Variants in SLC24A2 observed in about 807,000 individuals in gnomAD.
SLC24A2 encodes solute carrier family 24 member 2.
SLC24A2 carries 36 observed loss-of-function variants against 62.0 expected under a neutral mutation model. The ratio of observed to expected loss-of-function variants is 0.58; its 90% CI spans 0.44 to 0.77. The LOEUF is 0.77. Among genes scored for constraint, SLC24A2 ranks in the 30% least tolerant of loss-of-function variants. SLC24A2 has a pLI of 0.00. For missense variants in SLC24A2, 846 were observed against 817.9 expected, an observed-to-expected ratio of 1.03 and a Z score of -0.42; for synonymous variants, 358 against 294.0, an observed-to-expected ratio of 1.22 and a Z score of -2.23.
At chr9:19,843,381 G>A in the SLC24A2 span, among the ~76,000 whole-genome samples, 2,313 of 152,200 alleles carry the variant, frequency 0.015, 66 homozygotes, top group African/African-American at 0.053. Flanking sequence ...GCGTGGTGGC[G>A]CATGCCTGTA....
At chr9:19,932,994 C>A in the SLC24A2 span, among the ~76,000 whole-genome samples, 1 of 152,232 alleles carries the variant, frequency 6.6e-6, no homozygotes, top group Non-Finnish European at 1.5e-5. Flanking sequence ...GAATTTTTCT[C>A]TGGAAAGTGG....
the SLC24A2 span, among the ~76,000 whole-genome samples, chr9:20,141,747 A>G: frequency 2.0e-5 from 3 of 151,190 alleles, no homozygotes; most frequent in Non-Finnish European, 2.9e-5. Context: ...CATCACCCCA[A>G]CCTCTCTTTC....
the SLC24A2 span, among the ~76,000 whole-genome samples, chr9:20,056,543 A>G: frequency 6.6e-6 from 1 of 152,234 alleles, no homozygotes; most frequent in African/African-American, 2.4e-5. Flanking sequence ...TAATGAATTA[A>G]TTACGTAATA....
At chr9:19,562,810 A>G (rs890828668) in intron 7 of SLC24A2, among the ~76,000 whole-genome samples, 1 of 152,210 alleles carries the variant, frequency 6.6e-6, no homozygotes, top group African/African-American at 2.4e-5. Flanking sequence ...AGGCCTTGAA[A>G]AATCCAATCT....
the SLC24A2 span, among the ~76,000 whole-genome samples, chr9:19,796,593 G>T: frequency 2.0e-5 from 3 of 152,210 alleles, no homozygotes; most frequent in African/African-American, 7.2e-5. Flanking sequence ...TGTTTTTGAT[G>T]TCTTTATCCC....
the SLC24A2 span, among the ~76,000 whole-genome samples, chr9:20,019,291 G>GAA: frequency 1.1e-4 from 17 of 149,728 alleles, no homozygotes; most frequent in Non-Finnish European, 1.6e-4. Flanking sequence ...AAGAAAGAAA[G>GAA]AAAGAAAGAA....
At chr9:20,303,982 A>G in the SLC24A2 span, among the ~76,000 whole-genome samples, 1 of 152,214 alleles carries the variant, frequency 6.6e-6, no homozygotes, top group African/African-American at 2.4e-5. Flanking sequence ...GACAGTGACC[A>G]CATAAGGTGT....
chr9:20,080,776 T>C, the SLC24A2 span, among the ~76,000 whole-genome samples: 1 of 151,634 alleles, frequency 6.6e-6, no homozygotes, highest in African/African-American at 2.4e-5. Context: ...CAAACAAATT[T>C]ACAAGAAAAA....
rs892466578 is a variant in SLC24A2, at chr9:19,681,197, G to T, written c.931-58898C>A. ...CACCTGCCTTGCTTATGTCTCTCCAGCTGGAGAGAAAGGTATCCATTATTC... is the reference window on the plus strand; with the variant it reads ...CACCTGCCTTGCTTATGTCTCTCCATCTGGAGAGAAAGGTATCCATTATTC... On this transcript the variant is annotated intron_variant, in intron 2 of 10. Coordinates refer to ENST00000341998, the MANE Select transcript of SLC24A2 (RefSeq NM_020344.4). Among the ~76,000 whole-genome samples, 8 of 151,980 alleles carry T rather than the reference G, an allele frequency of 5.3e-5. 1 individual carries two copies. The highest frequency in any genetic ancestry group is 2.6e-4 in the Admixed American group (4 of 15,252).
At chr9:20,274,517 A>G in the SLC24A2 span, among the ~76,000 whole-genome samples, 54,663 of 151,832 alleles carry the variant, frequency 0.36, 10,200 homozygotes, top group African/African-American at 0.46. Flanking sequence ...AAAGAGGAGG[A>G]ACTATTGTCA....
the SLC24A2 span, among the ~76,000 whole-genome samples, chr9:20,209,480 TC>T: frequency 6.6e-6 from 1 of 152,166 alleles, no homozygotes; most frequent in Non-Finnish European, 1.5e-5. Context: ...CAAGCTCTCT[TC>T]CCCGAATTTG....
intron 2 of SLC24A2, among the ~76,000 whole-genome samples, chr9:19,700,729 T>C (rs529839654): frequency 2.7e-4 from 41 of 152,214 alleles, no homozygotes; most frequent in Admixed American, 1.0e-3. Flanking sequence ...TAAATATACC[T>C]GTGACATTCT....
At chr9:20,133,590 A>G in the SLC24A2 span, among the ~76,000 whole-genome samples, 1 of 152,178 alleles carries the variant, frequency 6.6e-6, no homozygotes, top group Non-Finnish European at 1.5e-5. Flanking sequence ...TGTCTAAAAT[A>G]ACAAACAAGA....
At chr9:19,769,234 T>C (rs576538691) in intron 2 of SLC24A2, among the ~76,000 whole-genome samples, 1 of 152,204 alleles carries the variant, frequency 6.6e-6, no homozygotes, top group Non-Finnish European at 1.5e-5. Flanking sequence ...TCTCTTTTTA[T>C]CCTTCCCTCA....
intron 2 of SLC24A2, among the ~76,000 whole-genome samples, chr9:19,776,807 G>C (rs1822859346): frequency 6.6e-6 from 1 of 152,198 alleles, no homozygotes; most frequent in Non-Finnish European, 1.5e-5. Context: ...CTTTGGCCTG[G>C]TTAGAATATT....
chr9:20,026,734 A>G, the SLC24A2 span, among the ~76,000 whole-genome samples: 2 of 152,194 alleles, frequency 1.3e-5, no homozygotes, highest in Admixed American at 6.5e-5. Flanking sequence ...AGAAGAAAAC[A>G]TAGGGGAAAA....
chr9:20,201,291 G>A, the SLC24A2 span, among the ~76,000 whole-genome samples: 8 of 152,196 alleles, frequency 5.3e-5, no homozygotes, highest in African/African-American at 1.7e-4. Context: ...CAGAGAAAGG[G>A]AGGCTTCAAC....
Position 19,779,369 on chromosome 9 carries a change from A to T in SLC24A2, c.930+6568T>A, listed in dbSNP as rs552548191. ...CCTTAAAAGTAGTAAAGGAAAAAAG[A>T]TAAATTTCTTATAAAGGAGCAATGT... On this transcript the variant is annotated intron_variant, in intron 2 of 10. Coordinates refer to ENST00000341998, the MANE Select transcript of SLC24A2 (RefSeq NM_020344.4). 2.6e-5 allele frequency among the ~76,000 whole-genome samples: 4 copies of T among 152,352 alleles called. No individual in the cohort carries two copies. In the South Asian group the frequency reaches 8.3e-4, roughly 32 times the overall value.
At chr9:19,534,362 CTT>C (rs923905935) in intron 8 of SLC24A2, among the ~76,000 whole-genome samples, 22 of 152,046 alleles carry the variant, frequency 1.4e-4, no homozygotes, top group African/African-American at 4.8e-4. Context: ...CTTTGTATCT[CTT>C]TTTTTAAATA....
Sources: gnomAD v4.1 joint callset for allele counts (sites outside exome capture counted in the v4.1 genomes callset) on GRCh38, gnomAD v4.1.1 for gene constraint, MANE v1.5 for transcripts, NCBI Gene and HGNC (gene_info 2026-07-23, HGNC 2026-07-21) for gene names.